The following VOPP1 variants were observed in gnomAD, a reference collection of about 807,000 sequenced individuals.
The protein encoded by VOPP1 is WW domain binding protein VOPP1.
Under a neutral mutation model 23.5 loss-of-function variants are expected in VOPP1, and 8 were observed. The observed-to-expected ratio is 0.34, with a 90% CI of 0.20 to 0.61. VOPP1 has a LOEUF of 0.61. Among genes scored for constraint, VOPP1 ranks in the 20% least tolerant of loss-of-function variants. VOPP1 has a pLI of 0.78. For missense variants in VOPP1, 174 were observed against 238.1 expected (o/e 0.73, Z 1.77); for synonymous variants, 83 against 97.3 (o/e 0.85, Z 0.86).
intron 1 of VOPP1, among the ~76,000 whole-genome samples, chr7:55,566,315 G>C (rs941205250): frequency 2.0e-5 from 3 of 152,058 alleles, no homozygotes; most frequent in African/African-American, 7.2e-5. Flanking sequence ...AAATTACACT[G>C]TCCCCCCAAA....
intron 4 of VOPP1, among the ~76,000 whole-genome samples, chr7:55,440,633 C>T (rs906361135): frequency 5.9e-5 from 9 of 152,168 alleles, no homozygotes; most frequent in East Asian, 1.9e-4. Flanking sequence ...CCCATTTGAG[C>T]GGCTGTCTCC....
chr7:55,556,597 T>C (rs1391998972), intron 1 of VOPP1, among the ~76,000 whole-genome samples: 2 of 150,782 alleles, frequency 1.3e-5, no homozygotes, highest in African/African-American at 4.9e-5. Context: ...GAACATACTC[T>C]GAAGTCTGTG....
In VOPP1 at chr7:55,479,038, T is replaced by C. The variant is rs77300366; in HGVS notation, c.329-5993A>G. 1.1e-3 allele frequency among the ~76,000 whole-genome samples: 171 copies of C among 152,316 alleles called. 1 individual carries two copies. The highest frequency in any genetic ancestry group is 3.5e-3 in the African/African-American group (147 of 41,566). On this transcript the variant is annotated intron_variant, in intron 4 of 4. Coordinates refer to ENST00000285279, the MANE Select transcript of VOPP1 (RefSeq NM_030796.5). ...CAGTTAAACCATGGCCCTTCCTCTA[T>C]GTGACTTTCTATCGTAAGAGACAAT... is the stretch of plus-strand genomic sequence containing the variant.
chr7:55,449,439 C>T (rs895742523), intron 4 of VOPP1, among the ~76,000 whole-genome samples: 1 of 152,208 alleles, frequency 6.6e-6, no homozygotes, highest in South Asian at 2.1e-4. Context: ...CGGGGCCTGC[C>T]GGTGCCCGGT....
chr7:55,455,604 T>C (rs1016942850), intron 4 of VOPP1, among the ~76,000 whole-genome samples: 4 of 152,008 alleles, frequency 2.6e-5, no homozygotes, highest in Non-Finnish European at 5.9e-5. Flanking sequence ...CCAAAACAGA[T>C]ATATAGACAA....
intron 4 of VOPP1, among the ~76,000 whole-genome samples, chr7:55,447,806 C>T (rs749746511): frequency 1.4e-4 from 21 of 152,026 alleles, no homozygotes; most frequent in Non-Finnish European, 2.5e-4. Context: ...CTTGGTTTTG[C>T]CAACCATGGA....
chr7:55,510,429 C>T (rs1381929350), intron 2 of VOPP1, among the ~76,000 whole-genome samples: 1 of 152,106 alleles, frequency 6.6e-6, no homozygotes, highest in Admixed American at 6.5e-5. Flanking sequence ...TCTTCAGACA[C>T]CAAATAAAAC....
chr7:55,469,016 A>C (rs1318522322), downstream of VOPP1, among the ~76,000 whole-genome samples: 1 of 152,238 alleles, frequency 6.6e-6, no homozygotes, highest in Non-Finnish European at 1.5e-5. Flanking sequence ...TTTCTTTTAA[A>C]GTACACTAGT....
intron 2 of VOPP1, among the ~76,000 whole-genome samples, chr7:55,498,108 C>G (rs1794106264): frequency 6.6e-6 from 1 of 152,240 alleles, no homozygotes; most frequent in African/African-American, 2.4e-5. Context: ...GGAAATACCC[C>G]ACCACATCCA....
At chr7:55,546,820 G>A (rs1031403127) in intron 1 of VOPP1, among the ~76,000 whole-genome samples, 2 of 152,218 alleles carry the variant, frequency 1.3e-5, no homozygotes, top group Non-Finnish European at 2.9e-5. Flanking sequence ...CCAGCAGGCC[G>A]AGAGCTCAGG....
chr7:55,504,109 AACCTTTCTCTTC>A (rs1180173326), intron 2 of VOPP1, among the ~76,000 whole-genome samples: 1 of 152,076 alleles, frequency 6.6e-6, no homozygotes, highest in African/African-American at 2.4e-5. Context: ...ACCCTCAGCA[AACCTTTCTCTTC>A]ACTAAGCACT....
At chr7:55,462,142 T>C (rs1180127078) in intron 4 of VOPP1, among the ~76,000 whole-genome samples, 1 of 152,224 alleles carries the variant, frequency 6.6e-6, no homozygotes, top group Non-Finnish European at 1.5e-5. Flanking sequence ...CTTTTTCCTT[T>C]AGCACTTTTA....
chr7:55,572,249 G>A (rs1798391218), intron 1 of VOPP1, 22 bp downstream of exon 1: 2 of 1,514,512 alleles, frequency 1.3e-6, no homozygotes, highest in Non-Finnish European at 1.8e-6. Context: ...GCCTCCGGCA[G>A]CACCCGGTCC....
intron 1 of VOPP1, among the ~76,000 whole-genome samples, chr7:55,552,191 T>TG (rs1473461124): frequency 1.3e-5 from 2 of 152,172 alleles, no homozygotes; most frequent in Non-Finnish European, 2.9e-5. Flanking sequence ...ATGCACTGCA[T>TG]GGGCAAGGCA....
intron 4 of VOPP1, among the ~76,000 whole-genome samples, chr7:55,458,181 A>G (rs1791414580): frequency 6.6e-6 from 1 of 152,188 alleles, no homozygotes; most frequent in Non-Finnish European, 1.5e-5. Context: ...CGAAGAGGGT[A>G]TCCCTTCCCT....
At chr7:55,539,053 G>A in intron 1 of VOPP1, among the ~76,000 whole-genome samples, 1 of 113,344 alleles carries the variant, frequency 8.8e-6, no homozygotes, top group African/African-American at 3.4e-5. Context: ...GGGGGGGGGA[G>A]GGGCGGGGTG....
At chr7:55,571,038 T>C (rs184063997) in intron 1 of VOPP1, among the ~76,000 whole-genome samples, 1 of 152,346 alleles carries the variant, frequency 6.6e-6, no homozygotes, top group East Asian at 1.9e-4. Flanking sequence ...ATGCGATTAC[T>C]GGTCTCTGAT....
chr7:55,563,892 A>G (rs1025710313), intron 1 of VOPP1, among the ~76,000 whole-genome samples: 2 of 152,236 alleles, frequency 1.3e-5, no homozygotes, highest in South Asian at 2.1e-4. Flanking sequence ...CTAAAAGAGT[A>G]TAAGAGCCAA....
At chr7:55,463,310 C>T (rs113403257) in intron 4 of VOPP1, among the ~76,000 whole-genome samples, 1,830 of 152,300 alleles carry the variant, frequency 0.012, 13 homozygotes, top group Admixed American at 0.021. Flanking sequence ...TAGAGAATTA[C>T]TGTGTTCCTT....
Sources: gnomAD v4.1 joint callset for allele counts (sites outside exome capture counted in the v4.1 genomes callset) on GRCh38, gnomAD v4.1.1 for gene constraint, MANE v1.5 for transcripts, NCBI Gene and HGNC (gene_info 2026-07-23, HGNC 2026-07-21) for gene names.